The following KIRREL3 variants were observed in gnomAD, a reference collection of about 807,000 sequenced individuals.
KIRREL3 encodes kin of IRRE-like protein 3.
A neutral mutation model predicts 89.7 loss-of-function variants in KIRREL3; 36 were observed. The ratio of observed to expected loss-of-function variants is 0.40; its 90% CI spans 0.31 to 0.53. KIRREL3 has a LOEUF of 0.53. Ranked by LOEUF, KIRREL3 falls within the 20% of genes least tolerant of loss-of-function variation. The pLI is 0.49. For synonymous variants in KIRREL3, 445 were observed against 441.4 expected, an observed-to-expected ratio of 1.01 and a Z score of -0.10; for missense variants, 864 against 1,056.6, an observed-to-expected ratio of 0.82 and a Z score of 2.53.
At chr11:126,572,019 T>C (rs1052317460) in intron 1 of KIRREL3, among the ~76,000 whole-genome samples, 8 of 152,342 alleles carry the variant, frequency 5.3e-5, no homozygotes, top group Middle Eastern at 3.4e-3. Flanking sequence ...AACAGAAAGT[T>C]GGAAGTCGTG....
rs926355580 is a variant in KIRREL3 at position 126,704,620 on chromosome 11, C to G, written c.56-141708G>C. ...CTCAGGCTGACTTTCCATACACAGA[C>G]AGGGCTCTATTTTTGGATGTCTTGG... On this transcript the variant is annotated intron_variant, in intron 1 of 16. Transcript: ENST00000525144. The surrounding 1 kb of genome is among the most constrained non-coding windows in gnomAD (Gnocchi z 4.2). Among the ~76,000 whole-genome samples the G allele has an allele frequency of 2.0e-5, 3 of 152,196 alleles. No homozygotes were observed. Among genetic ancestry groups the G allele is most frequent in the African/African-American group, 4.8e-5 (2 of 41,444 alleles).
At position 126,686,602 on chromosome 11, in the gene KIRREL3, C is replaced by T. The variant is rs1946674802; in HGVS notation, c.56-123690G>A. Among the ~76,000 whole-genome samples the T allele has an allele frequency of 6.6e-6, 1 of 152,100 alleles. No homozygotes were observed. The highest frequency in any genetic ancestry group is 1.5e-5 in the Non-Finnish European group (1 of 68,032). On this transcript the variant is annotated intron_variant, in intron 1 of 16. Transcript: ENST00000525144. The surrounding 1 kb of genome is among the most constrained non-coding windows in gnomAD (Gnocchi z 4.7). ...TTATTATTTTATTTTAATTTTGAGA[C>T]AGAGTCTCACTGTGTGGCACAGGCT...
rs1948268767 is a variant in KIRREL3, at chr11:126,723,727, T to C, written c.56-160815A>G. 6.6e-6 allele frequency among the ~76,000 whole-genome samples: 1 copy of C among 152,148 alleles called. No homozygotes were observed. The highest frequency in any genetic ancestry group is 6.5e-5 in the Admixed American group (1 of 15,272). ...ATAATAGATGCAGAATTAATTTTCA[T>C]TGAGTTACATAAATGATACAATATG... On this transcript the variant is annotated intron_variant, in intron 1 of 16. Coordinates refer to ENST00000525144, the MANE Select transcript of KIRREL3 (RefSeq NM_032531.4). This position sits in a 1 kb window ranked among gnomAD's most constrained non-coding sequence, Gnocchi z 4.0.
rs1011152194 is a variant in KIRREL3 at position 126,575,232 on chromosome 11, C to T, written c.56-12320G>A. ...ACCCTGGCTTGAAGCTTTGGACAGT[C>T]GGGGCAGGTTCTCTCTTGGCTCCTG... On this transcript the variant is annotated intron_variant, in intron 1 of 16. Coordinates refer to ENST00000525144, the MANE Select transcript of KIRREL3 (RefSeq NM_032531.4). The surrounding 1 kb of genome is among the most constrained non-coding windows in gnomAD (Gnocchi z 7.0). 2.6e-5 allele frequency among the ~76,000 whole-genome samples: 4 copies of T among 152,192 alleles called. No individual in the cohort carries two copies. The highest frequency in any genetic ancestry group is 1.9e-4 in the East Asian group (1 of 5,196).
Position 126,575,537 on chromosome 11 carries a change from GTACT to G in KIRREL3, c.56-12629_56-12626del, listed in dbSNP as rs766526745. On this transcript the variant is annotated intron_variant, in intron 1 of 16. Coordinates refer to ENST00000525144, the MANE Select transcript of KIRREL3 (RefSeq NM_032531.4). This position sits in a 1 kb window ranked among gnomAD's most constrained non-coding sequence, Gnocchi z 7.0. ...GACACATTGTAAGCCCCTATAAATG[GTACT>G]TACTTATAAATATAATATATTATTA... Among the ~76,000 whole-genome samples, 4 of 152,224 alleles carry G rather than the reference GTACT, an allele frequency of 2.6e-5. No homozygotes were observed. The highest frequency in any genetic ancestry group is 5.9e-5 in the Non-Finnish European group (4 of 68,026).
intron 1 of KIRREL3, among the ~76,000 whole-genome samples, chr11:126,688,279 T>C (rs922896504): frequency 1.3e-5 from 2 of 152,356 alleles, no homozygotes; most frequent in Admixed American, 6.5e-5. Flanking sequence ...GGAACATGAT[T>C]GTGTGCATGC....
intron 10 of KIRREL3, among the ~76,000 whole-genome samples, chr11:126,442,653 G>T (rs1472693830): frequency 2.0e-5 from 3 of 152,182 alleles, no homozygotes; most frequent in Non-Finnish European, 4.4e-5. Context: ...CATATCACCA[G>T]CTCCCTCCAG....
intron 1 of KIRREL3, among the ~76,000 whole-genome samples, chr11:126,662,911 T>TTTC (rs1239823070): frequency 3.4e-5 from 5 of 146,424 alleles, no homozygotes; most frequent in Admixed American, 1.4e-4. Flanking sequence ...CCTTTCTTTT[T>TTTC]TTTTTTTTTT....
chr11:126,563,874 C>T lies in KIRREL3; in HGVS notation c.56-962G>A, dbSNP rs528723202. ...CACTAATTTTTTTGACCCCCCTCTA[C>T]CCCCAAACAACTCACTGAGGTGGGC... On this transcript the variant is annotated intron_variant, in intron 1 of 16. Transcript: ENST00000525144. This position sits in a 1 kb window ranked among gnomAD's most constrained non-coding sequence, Gnocchi z 6.8. Among the ~76,000 whole-genome samples the T allele has an allele frequency of 8.5e-5, 13 of 152,268 alleles. No homozygotes were observed. The South Asian group carries it at 2.5e-3, about 29-fold the overall frequency.
At position 126,769,081 on chromosome 11, in the gene KIRREL3, A is replaced by G. The variant is rs1169744508; in HGVS notation, c.56-206169T>C. Among the ~76,000 whole-genome samples the G allele has an allele frequency of 2.0e-5, 3 of 152,094 alleles. No individual in the cohort carries two copies. Among genetic ancestry groups the G allele is most frequent in the Non-Finnish European group, 4.4e-5 (3 of 68,004 alleles). Reference sequence around the variant, plus strand: ...CCTTTCCGCATCTTGTTTACCTGTCAGACTCCTCGGGGCCTTTGAGCTCTA... The same window carrying G: ...CCTTTCCGCATCTTGTTTACCTGTCGGACTCCTCGGGGCCTTTGAGCTCTA... On this transcript the variant is annotated intron_variant, in intron 1 of 16. Transcript: ENST00000525144. This position sits in a 1 kb window ranked among gnomAD's most constrained non-coding sequence, Gnocchi z 4.3.
At chr11:126,657,269 T>G (rs547152) in intron 1 of KIRREL3, among the ~76,000 whole-genome samples, 1 of 151,562 alleles carries the variant, frequency 6.6e-6, no homozygotes. Flanking sequence ...AATAAATAAA[T>G]AAATAAATAA....
rs374010610 is a variant in KIRREL3 at position 126,635,211 on chromosome 11, A to T, written c.56-72299T>A. Among the ~76,000 whole-genome samples, 18 of 152,318 alleles carry T rather than the reference A, an allele frequency of 1.2e-4. No individual in the cohort carries two copies. In the South Asian group the frequency reaches 1.2e-3, roughly 11 times the overall value. ...CTAGGCAGGCACAGCAAGTGTGGGC[A>T]TTGCTTACTGCAGAGAGGCTTCCCT... On this transcript the variant is annotated intron_variant, in intron 1 of 16. Coordinates refer to ENST00000525144, the MANE Select transcript of KIRREL3 (RefSeq NM_032531.4). This position sits in a 1 kb window ranked among gnomAD's most constrained non-coding sequence, Gnocchi z 4.0.
chr11:126,437,751 C>A (rs532811611), intron 11 of KIRREL3, among the ~76,000 whole-genome samples: 1 of 152,108 alleles, frequency 6.6e-6, no homozygotes, highest in African/African-American at 2.4e-5. Flanking sequence ...CCAAGATGCA[C>A]GCACCATATG....
intron 1 of KIRREL3, among the ~76,000 whole-genome samples, chr11:126,832,528 G>A (rs1437801666): frequency 6.6e-6 from 1 of 152,146 alleles, no homozygotes; most frequent in Admixed American, 6.5e-5. Context: ...AAGACAGCAG[G>A]TTCCTTGCAT....
At chr11:126,979,502 A>C (rs1591416964) in intron 1 of KIRREL3, among the ~76,000 whole-genome samples, 1 of 152,202 alleles carries the variant, frequency 6.6e-6, no homozygotes, top group East Asian at 1.9e-4. Context: ...CCTGACTCGA[A>C]GTCTGGGGAA....
In KIRREL3 at chr11:126,441,839, A is replaced by G. The variant is rs1955577692; in HGVS notation, c.1253-1290T>C. Reference sequence around the variant, plus strand: ...GCGTGGGGGACCCTCCATGGCTTTAAGAATGGGCTGAGCGCTGCCCTCCTT... The same window carrying G: ...GCGTGGGGGACCCTCCATGGCTTTAGGAATGGGCTGAGCGCTGCCCTCCTT... On this transcript the variant is annotated intron_variant, in intron 10 of 16. Coordinates refer to ENST00000525144, the MANE Select transcript of KIRREL3 (RefSeq NM_032531.4). The surrounding 1 kb of genome is among the most constrained non-coding windows in gnomAD (Gnocchi z 5.0). 2.0e-5 allele frequency among the ~76,000 whole-genome samples: 3 copies of G among 152,320 alleles called. No homozygotes were observed. In the South Asian group the frequency reaches 6.2e-4, roughly 32 times the overall value.
At chr11:126,440,323 T>G in intron 11 of KIRREL3, 126 bp downstream of exon 11, 1 of 822,562 alleles carries the variant, frequency 1.2e-6, no homozygotes, top group African/African-American at 1.7e-5. Context: ...AAGGCAGGTA[T>G]AATTTTCCTC....
At position 127,000,412 on chromosome 11, in the gene KIRREL3, C is replaced by T. The variant is rs767498652; in HGVS notation, c.55+43G>A. On this transcript the variant is annotated intron_variant, in intron 1 of 16. Coordinates refer to ENST00000525144, the MANE Select transcript of KIRREL3 (RefSeq NM_032531.4). The surrounding 1 kb of genome is among the most constrained non-coding windows in gnomAD (Gnocchi z 7.1). ...CCCACAGCCTCCCGCGCCCTGACAA[C>T]CCAGCCGACTTTCTTCCAACTCCAG... is the stretch of plus-strand genomic sequence containing the variant. 4 of 1,556,102 alleles carry T rather than the reference C, an allele frequency of 2.6e-6. No homozygotes were observed. The South Asian group carries it at 4.8e-5, about 19-fold the overall frequency.
At position 126,684,933 on chromosome 11, in the gene KIRREL3, C is replaced by CT. The variant is rs1946610435; in HGVS notation, c.56-122022_56-122021insA. Among the ~76,000 whole-genome samples the CT allele has an allele frequency of 2.6e-5, 4 of 152,040 alleles. No homozygotes were observed. Among genetic ancestry groups the CT allele is most frequent in the Admixed American group, 2.6e-4 (4 of 15,260 alleles). Reference sequence around the variant, plus strand: ...GGACAGGCTTCTTTGTCCTTGTCTCCCCCCTCCCTTTTGTCCTCTTCTCTC... The same window carrying CT: ...GGACAGGCTTCTTTGTCCTTGTCTCCTCCCCTCCCTTTTGTCCTCTTCTCTC... On this transcript the variant is annotated intron_variant, in intron 1 of 16. Transcript: ENST00000525144. The surrounding 1 kb of genome is among the most constrained non-coding windows in gnomAD (Gnocchi z 4.2).
Sources: gnomAD v4.1 joint callset for allele counts (sites outside exome capture counted in the v4.1 genomes callset) on GRCh38, gnomAD v4.1.1 for gene constraint, Gnocchi (gnomAD v3.1) non-coding constraint, MANE v1.5 for transcripts, NCBI Gene and HGNC (gene_info 2026-07-23, HGNC 2026-07-21) for gene names.